HDHD5: variants seen among roughly 807,000 people sequenced by gnomAD.
HDHD5 encodes haloacid dehalogenase-like hydrolase domain-containing 5.
A neutral mutation model predicts 35.5 loss-of-function variants in HDHD5; 34 were observed. That is an observed-to-expected ratio of 0.96 (90% CI 0.73 to 1.28). The LOEUF is 1.28. Ranked by LOEUF, HDHD5 falls within the 50% of genes most tolerant of loss-of-function variation. The probability of loss-of-function intolerance (pLI) is 0.00; values close to 1 mark genes in which losing one functional copy is unlikely to be tolerated. For missense variants in HDHD5, 589 were observed against 560.2 expected (o/e 1.05, Z -0.52); for synonymous variants, 248 against 240.6 (o/e 1.03, Z -0.29).
At chr22:17,141,352 CA>C in intron 5 of HDHD5, 119 bp from the exon 6 acceptor site, 1 of 1,434,720 alleles carries the variant, frequency 7.0e-7, no homozygotes, top group Non-Finnish European at 9.1e-7. Flanking sequence ...CCCAGCTGGG[CA>C]GGGGCACAGC....
At chr22:17,142,779 C>T (rs1277323710) in intron 5 of HDHD5, 1 of 280,924 alleles carries the variant, frequency 3.6e-6, no homozygotes, top group Non-Finnish European at 6.6e-6. Context: ...AGGGGATATT[C>T]CAATGTTCTT....
At chr22:17,152,335 G>C (rs146404779) in intron 1 of HDHD5, among the ~76,000 whole-genome samples, 3 of 152,264 alleles carry the variant, frequency 2.0e-5, no homozygotes, top group African/African-American at 7.2e-5. Flanking sequence ...AGAAGATGGA[G>C]CATTTACCTG....
At chr22:17,149,502 C>A (rs2061701658) in intron 2 of HDHD5, 40 bp downstream of exon 2, 4 of 1,596,094 alleles carry the variant, frequency 2.5e-6, no homozygotes, top group South Asian at 2.2e-5. Context: ...CCATTAGGAA[C>A]CAGGTCCTTG....
chr22:17,141,120 G>A lies in HDHD5; in HGVS notation c.685C>T (p.His229Tyr). 1 of 1,593,660 alleles carries A rather than the reference G, an allele frequency of 6.3e-7. No homozygotes were observed. ...ATGTTGCTGGCTAGGACGGGGAGGT[G>A]GGGGTAGGGGGGTGTTGCCAGGCCA... ...GAGLATPPYP[H>Y]LPVLASNMDL... The change falls in exon 6 of 8, where the codon CAC becomes TAC. Residue 229 changes from histidine to tyrosine, a missense_variant. Physicochemically the swap from His to Tyr is moderately conservative, Grantham distance 83 (BLOSUM62 2). Transcript: ENST00000336737.
chr22:17,148,704 C>G, intron 2 of HDHD5, 144 bp from the exon 3 acceptor site: 1 of 646,734 alleles, frequency 1.5e-6, no homozygotes, highest in Non-Finnish European at 2.8e-6. Flanking sequence ...TTCTAGCACC[C>G]AGCAGCACTT....
intron 1 of HDHD5, among the ~76,000 whole-genome samples, chr22:17,152,546 A>G (rs761441363): frequency 6.6e-6 from 1 of 152,092 alleles, no homozygotes; most frequent in Non-Finnish European, 1.5e-5. Flanking sequence ...GCGGGCAGCG[A>G]GAGGTCATTG....
intron 4 of HDHD5, among the ~76,000 whole-genome samples, chr22:17,144,772 A>AAC (rs1330923038): frequency 6.6e-6 from 1 of 151,932 alleles, no homozygotes; most frequent in Non-Finnish European, 1.5e-5. Flanking sequence ...GCTGGTCTTG[A>AAC]ACTCCTGGGC....
intron 1 of HDHD5, chr22:17,158,888 G>T: frequency 3.3e-6 from 1 of 307,124 alleles, no homozygotes; most frequent in Non-Finnish European, 5.9e-6. Flanking sequence ...GCCTGGCCCA[G>T]GCCGTCCCAC....
In HDHD5 at chr22:17,159,181, G is replaced by A; in HGVS notation, c.71C>T (p.Ala24Val). Residue 24 changes from alanine (A) to valine (V), a missense_variant, in exon 1 of 8, where the codon GCT becomes GTT. By Grantham distance (64) the Ala-to-Val change is moderately conservative. Transcript: ENST00000336737. ...RGLCWRAARAAAGLQGRPARR... is the reference protein window; with the variant it reads ...RGLCWRAARAVAGLQGRPARR... Reference sequence around the variant, plus strand: ...GGCGGGGCGGCCCTGGAGCCCCGCAGCCGCGCGCGCCGCCCGCCAGCAAAG... The same window carrying A: ...GGCGGGGCGGCCCTGGAGCCCCGCAACCGCGCGCGCCGCCCGCCAGCAAAG... 3 of 1,213,988 alleles carry A rather than the reference G, an allele frequency of 2.5e-6. No individual in the cohort carries two copies. The highest frequency in any genetic ancestry group is 3.1e-6 in the Non-Finnish European group (3 of 975,572). The allele number at this position is 1,213,988 out of a possible 1,614,324, so 75.2% of individuals were successfully genotyped here.
chr22:17,161,564 CA>C (rs879664806), upstream of HDHD5, among the ~76,000 whole-genome samples: 420 of 115,304 alleles, frequency 3.6e-3, 1 homozygote, highest in Admixed American at 4.1e-3. Context: ...ACTATGTCTC[CA>C]AAAAAAAAAA....
At chr22:17,161,065 G>A (rs1417320258), upstream of HDHD5, among the ~76,000 whole-genome samples, 1 of 151,938 alleles carries the variant, frequency 6.6e-6, no homozygotes, top group Non-Finnish European at 1.5e-5. Flanking sequence ...GACCAGCCTG[G>A]CCAACATGGC....
At chr22:17,156,978 T>C (rs2061800374) in intron 1 of HDHD5, among the ~76,000 whole-genome samples, 1 of 151,470 alleles carries the variant, frequency 6.6e-6, no homozygotes, top group Admixed American at 6.6e-5. Flanking sequence ...CTTGGGAGGC[T>C]GAGGCAGGCG....
intron 4 of HDHD5, chr22:17,143,778 A>C (rs2061626090): frequency 6.6e-6 from 1 of 152,336 alleles, no homozygotes; most frequent in Non-Finnish European, 1.5e-5. Flanking sequence ...GACTTAAGCT[A>C]TATCAGCAAA....
Position 17,137,820 on chromosome 22 carries a change from C to T in HDHD5, c.*201G>A, listed in dbSNP as rs998716059. 3 of 563,800 alleles carry T rather than the reference C, an allele frequency of 5.3e-6. No homozygotes were observed. The highest frequency in any genetic ancestry group is 4.8e-5 in the South Asian group (2 of 42,092). 34.9% of individuals were successfully genotyped at this position (563,800 alleles called of 1,614,324 possible). Reference sequence around the variant, plus strand: ...GGAACTGGGCCCAGAAAATTCCAACCGTTCCATACAAAATGCTACCCAGCA... The same window carrying T: ...GGAACTGGGCCCAGAAAATTCCAACTGTTCCATACAAAATGCTACCCAGCA... On this transcript the variant is annotated 3_prime_UTR_variant, in exon 8 of 8. Transcript: ENST00000336737.
At chr22:17,157,514 T>C (rs573347526) in intron 1 of HDHD5, among the ~76,000 whole-genome samples, 1 of 152,336 alleles carries the variant, frequency 6.6e-6, no homozygotes, top group African/African-American at 2.4e-5. Flanking sequence ...CTAAAGCTCG[T>C]GCTCAAACTC....
rs571921076 is a variant in HDHD5, at chr22:17,159,243, C to T, written c.9G>A (p.Ala3=). 1.4e-5 allele frequency: 18 copies of T among 1,282,172 alleles called. No individual in the cohort carries two copies. In the East Asian group the frequency reaches 5.8e-4, roughly 42 times the overall value. The allele number at this position is 1,282,172 out of a possible 1,614,324, so 79.4% of individuals were successfully genotyped here. MA[A]WGCVAALGAA... is the part of the protein sequence containing the mutation. ...CGCCGAGCGCAGCCACACAGCCCCA[C>T]GCAGCCATCCGGCCGTCGCCGTGCG... Residue 3 remains alanine, a synonymous_variant, in exon 1 of 8, where the codon GCG becomes GCA. Coordinates refer to ENST00000336737, the MANE Select transcript of HDHD5 (RefSeq NM_033070.3).
chr22:17,152,503 G>A (rs1377788094), intron 1 of HDHD5, among the ~76,000 whole-genome samples: 1 of 152,088 alleles, frequency 6.6e-6, no homozygotes, highest in Non-Finnish European at 1.5e-5. Flanking sequence ...GTGGATGCGG[G>A]TATGAGTCAC....
At chr22:17,142,990 G>GA (rs2061615620) in intron 5 of HDHD5, 108 bp downstream of exon 5, 2 of 1,184,472 alleles carry the variant, frequency 1.7e-6, no homozygotes, top group Admixed American at 2.2e-5. Flanking sequence ...TGACTCCAAG[G>GA]CCCCTTGCTG....
intron 1 of HDHD5, among the ~76,000 whole-genome samples, chr22:17,151,709 G>A (rs1215033062): frequency 3.0e-5 from 4 of 133,158 alleles, no homozygotes; most frequent in East Asian, 4.2e-4. Flanking sequence ...AAGCCTGGGC[G>A]ACAAAGCTAG....
Sources: gnomAD v4.1 joint callset for allele counts (sites outside exome capture counted in the v4.1 genomes callset) on GRCh38, gnomAD v4.1.1 for gene constraint, MANE v1.5 for transcripts, NCBI Gene and HGNC (gene_info 2026-07-23, HGNC 2026-07-21) for gene names.